A2M: variants seen among roughly 807,000 people sequenced by gnomAD.
A2M encodes alpha-2-macroglobulin.
A neutral mutation model predicts 183.9 loss-of-function variants in A2M; 128 were observed. That is an observed-to-expected ratio of 0.70 (90% CI 0.60 to 0.81). The LOEUF (loss-of-function observed/expected upper bound fraction) is 0.81, where lower values mean the gene tolerates loss of function less well. Among genes scored for constraint, A2M ranks in the 30% least tolerant of loss-of-function variants. The probability of loss-of-function intolerance (pLI) is 0.00; values close to 1 mark genes in which losing one functional copy is unlikely to be tolerated. For synonymous variants in A2M, 592 were observed against 670.8 expected, an observed-to-expected ratio of 0.88 and a Z score of 1.81; for missense variants, 1,495 against 1,787.6, an observed-to-expected ratio of 0.84 and a Z score of 2.95.
intron 23 of A2M, 36 bp from the exon 24 acceptor site, chr12:9,079,851 G>C: frequency 6.7e-7 from 1 of 1,500,334 alleles, no homozygotes. Flanking sequence ...CATAAAGCTT[G>C]GAGATTATCA....
chr12:9,101,385 T>C, intron 12 of A2M, 62 bp downstream of exon 12: 1 of 1,432,308 alleles, frequency 7.0e-7, no homozygotes, highest in Non-Finnish European at 9.7e-7. Context: ...AGCTTCATGA[T>C]TACTTGCTCC....
In A2M at chr12:9,094,959, A is replaced by T; in HGVS notation, c.2125+14T>A. ...ATATATTAGGCAATATATATTTATT[A>T]ATTTTTTGTTTACCATAAAAACCTA... On this transcript the variant is annotated intron_variant, in intron 17 of 35. Transcript: ENST00000318602. The T allele has an allele frequency of 7.3e-7, 1 of 1,376,050 alleles. No individual in the cohort carries two copies. Among genetic ancestry groups the T allele is most frequent in the Non-Finnish European group, 9.8e-7 (1 of 1,017,882 alleles). 85.2% of individuals were successfully genotyped at this position (1,376,050 alleles called of 1,614,324 possible).
intron 8 of A2M, 141 bp downstream of exon 8, chr12:9,107,383 A>G (rs1938373853): frequency 1.9e-6 from 2 of 1,053,584 alleles, no homozygotes; most frequent in Non-Finnish European, 2.7e-6. Flanking sequence ...TAAGTTCATG[A>G]TTTTTTTTGA....
At chr12:9,070,399 A>G (rs907525640) in intron 32 of A2M, 89 bp downstream of exon 32, 2 of 856,704 alleles carry the variant, frequency 2.3e-6, no homozygotes, top group African/African-American at 3.4e-5. Context: ...GATTGACTTT[A>G]ATAGTATTTT....
chr12:9,111,391 ATT>A, intron 4 of A2M: 1 of 382,080 alleles, frequency 2.6e-6, no homozygotes, highest in Admixed American at 3.1e-5. Context: ...GTGGTGCCTC[ATT>A]TTAGACAGAG....
At chr12:9,098,842 A>G in intron 14 of A2M, 86 bp from the exon 15 acceptor site, 1 of 1,460,308 alleles carries the variant, frequency 6.8e-7, no homozygotes, top group Non-Finnish European at 9.3e-7. Context: ...TTCCTCATGT[A>G]CAATGTATAA....
intron 4 of A2M, chr12:9,111,858 T>G (rs535298774): frequency 2.4e-6 from 1 of 423,316 alleles, no homozygotes; most frequent in Non-Finnish European, 4.5e-6. Context: ...CTTAGGTTCT[T>G]TGAGGATTTT....
chr12:9,102,009 G>A (rs1937894387), intron 11 of A2M, among the ~76,000 whole-genome samples: 1 of 152,194 alleles, frequency 6.6e-6, no homozygotes, highest in African/African-American at 2.4e-5. Flanking sequence ...CTTCATTGAG[G>A]AGAGTAAATA....
At position 9,089,933 on chromosome 12, in the gene A2M, T is replaced by G. The variant is rs1459277032; in HGVS notation, c.2687A>C (p.Lys896Thr). 6.8e-6 allele frequency: 11 copies of G among 1,612,628 alleles called. No homozygotes were observed. Among genetic ancestry groups the G allele is most frequent in the African/African-American group, 2.7e-5 (2 of 75,044 alleles). The part of the protein sequence containing the change: ...EVPSVPEHGR[K>T]DTVIKPLLVE... ...CAACAGAGGCTTGATGACTGTGTCT[T>G]TCCTTCCGTGTTCAGGAACTGAAGG... The change falls in exon 21 of 36, where the codon AAA becomes ACA. Residue 896 changes from lysine to threonine, a missense_variant. Physicochemically the swap from Lys to Thr is moderately conservative, Grantham distance 78. Transcript: ENST00000318602.
intron 31 of A2M, 40 bp downstream of exon 31, chr12:9,072,319 G>T (rs1185055254): frequency 6.2e-7 from 1 of 1,605,132 alleles, no homozygotes; most frequent in Admixed American, 1.7e-5. Context: ...AAGACTGGTG[G>T]TTATTCTTAG....
Position 9,107,626 on chromosome 12 carries a change from A to C in A2M, c.777T>G (p.Pro259=). 6.2e-7 allele frequency: 1 copy of C among 1,613,970 alleles called. No homozygotes were observed. The highest frequency in any genetic ancestry group is 2.2e-5 in the East Asian group (1 of 44,880). Residue 259 remains proline (P), a synonymous_variant, in exon 8 of 36, where the codon CCT becomes CCG. Transcript: ENST00000318602. ...SVCGLYTYGK[P]VPGHVTVSIC... ...TGCTCACAGTCACATGTCCAGGGAC[A>C]GGCTTCCCATATGTGTATCTGTCAT...
intron 1 of A2M, chr12:9,115,373 G>A (rs764630210): frequency 1.2e-4 from 20 of 172,750 alleles, no homozygotes; most frequent in East Asian, 1.1e-3. Flanking sequence ...ATACTCCAGG[G>A]CATTGTTCCA....
chr12:9,109,034 T>TTG (rs34803501), intron 7 of A2M, among the ~76,000 whole-genome samples: 83,722 of 151,130 alleles, frequency 0.55, 24,611 homozygotes, highest in African/African-American at 0.75. Context: ...CCTTCCCATT[T>TTG]TGTGTGTGTG....
At chr12:9,088,198 T>C (rs1317408491) in intron 22 of A2M, among the ~76,000 whole-genome samples, 1 of 151,738 alleles carries the variant, frequency 6.6e-6, no homozygotes, top group East Asian at 1.9e-4. Flanking sequence ...GATAAATGGA[T>C]GGCAAAGTAC....
intron 22 of A2M, among the ~76,000 whole-genome samples, chr12:9,086,826 T>C (rs188025086): frequency 1.0e-3 from 152 of 152,256 alleles, no homozygotes; most frequent in Admixed American, 7.1e-3. Context: ...AATATCCAAA[T>C]TGACAAGGAA....
intron 15 of A2M, among the ~76,000 whole-genome samples, chr12:9,097,651 T>G (rs1432090811): frequency 3.6e-5 from 5 of 137,990 alleles, no homozygotes; most frequent in Non-Finnish European, 8.1e-5. Flanking sequence ...TTTTTTTTTT[T>G]GACACCAAGT....
chr12:9,077,890 G>A (rs1948794819), intron 25 of A2M, 33 bp from the exon 26 acceptor site: 6 of 1,613,628 alleles, frequency 3.7e-6, no homozygotes, highest in Non-Finnish European at 5.1e-6. Context: ...TGATGTTTAT[G>A]TTGTCAAAAT....
chr12:9,073,263 A>G (rs962485404), intron 29 of A2M, among the ~76,000 whole-genome samples: 15 of 152,218 alleles, frequency 9.9e-5, no homozygotes, highest in African/African-American at 3.6e-4. Flanking sequence ...GCTCTCTCCC[A>G]TATTAAACTT....
Position 9,089,914 on chromosome 12 carries a change from A to G in A2M, c.2706T>C (p.Pro902=). 35 of 1,610,274 alleles carry G rather than the reference A, an allele frequency of 2.2e-5. No homozygotes were observed. The highest frequency in any genetic ancestry group is 2.9e-5 in the Non-Finnish European group (34 of 1,177,466). Residue 902 remains proline, a synonymous_variant, in exon 21 of 36, where the codon CCT becomes CCC. Transcript: ENST00000318602. The part of the protein sequence containing the change: ...EHGRKDTVIK[P]LLVEPEGLEK... ...TAGGTTTACTTACTTCAACCAACAG[A>G]GGCTTGATGACTGTGTCTTTCCTTC...
Sources: gnomAD v4.1 joint callset for allele counts (sites outside exome capture counted in the v4.1 genomes callset) on GRCh38, gnomAD v4.1.1 for gene constraint, MANE v1.5 for transcripts, NCBI Gene and HGNC (gene_info 2026-07-23, HGNC 2026-07-21) for gene names.